Variants in SRGAP3 observed in about 807,000 individuals in gnomAD.
SRGAP3 encodes SLIT-ROBO Rho GTPase-activating protein 3.
Under a neutral mutation model 121.1 loss-of-function variants are expected in SRGAP3, and 39 were observed. The observed-to-expected ratio is 0.32, with a 90% CI of 0.25 to 0.42. The LOEUF (loss-of-function observed/expected upper bound fraction) is 0.42, where lower values mean the gene tolerates loss of function less well. Ranked by LOEUF, SRGAP3 falls within the 10% of genes least tolerant of loss-of-function variation. The pLI, the probability that SRGAP3 is intolerant of heterozygous loss-of-function variation, is 1.00. For synonymous variants in SRGAP3, 601 were observed against 570.0 expected (o/e 1.05, Z -0.77); for missense variants, 1,213 against 1,470.6 (o/e 0.82, Z 2.86).
At chr3:9,182,175 C>CAAAAAAAAAAAAAAAAAAAAAAAAAA (rs34305216) in intron 1 of SRGAP3, among the ~76,000 whole-genome samples, 3 of 37,280 alleles carry the variant, frequency 8.0e-5, no homozygotes, top group African/African-American at 1.4e-4. Context: ...GACTCTGTCT[C>CAAAAAAAAAAAAAAAAAAAAAAAAAA]AAAAAAAAAA....
Position 9,013,388 on chromosome 3 carries a change from A to T in SRGAP3, c.2067T>A (p.His689Gln), listed in dbSNP as rs774507828. 4 of 1,613,906 alleles carry T rather than the reference A, an allele frequency of 2.5e-6. No homozygotes were observed. The highest frequency in any genetic ancestry group is 3.4e-6 in the Non-Finnish European group (4 of 1,180,012). ...INEVIKTIII[H>Q]HEAIFPSPRE... ...GGGGGCTGGGGAAGATGGCTTCATG[A>T]TGGATGATGATGGTTTTGATGACTT... The change falls in exon 17 of 22, where the codon CAT becomes CAA. Residue 689 changes from histidine to glutamine, a missense_variant. Physicochemically the swap from His to Gln is conservative, Grantham distance 24. Around this residue, in one of 2 missense-constraint regions of SRGAP3, gnomAD observed 793 missense variants for 1,032.9 expected, o/e 0.77. Transcript: ENST00000383836.
intron 3 of SRGAP3, among the ~76,000 whole-genome samples, chr3:9,266,546 A>G (rs905434325): frequency 6.6e-6 from 1 of 152,156 alleles, no homozygotes; most frequent in African/African-American, 2.4e-5. Context: ...TATGTGAGGG[A>G]AGAAAAATAC....
intron 3 of SRGAP3, among the ~76,000 whole-genome samples, chr3:9,301,043 A>T (rs1449773178): frequency 1.3e-5 from 2 of 152,178 alleles, no homozygotes; most frequent in East Asian, 1.9e-4. Flanking sequence ...TATGGAAGTT[A>T]AAAAAGGGCT....
chr3:9,155,066 T>C (rs1950365190), intron 1 of SRGAP3, among the ~76,000 whole-genome samples: 1 of 152,150 alleles, frequency 6.6e-6, no homozygotes, highest in South Asian at 2.1e-4. Flanking sequence ...ATGAAGTTGA[T>C]CCTTTAGTAT....
intron 1 of SRGAP3, among the ~76,000 whole-genome samples, chr3:9,176,898 G>A (rs1951198904): frequency 6.6e-6 from 1 of 152,182 alleles, no homozygotes; most frequent in Non-Finnish European, 1.5e-5. Context: ...CATGAGATTT[G>A]GGCAGGGACA....
At chr3:9,058,710 C>A in intron 6 of SRGAP3, 3 of 448,144 alleles carry the variant, frequency 6.7e-6, no homozygotes, top group East Asian at 4.0e-5. Context: ...ATCTTTCTCT[C>A]TCTCTTTTTT....
chr3:9,043,396 C>T (rs1945111659), intron 10 of SRGAP3, among the ~76,000 whole-genome samples: 1 of 152,190 alleles, frequency 6.6e-6, no homozygotes, highest in Non-Finnish European at 1.5e-5. Context: ...TTACCTTTCT[C>T]GTGTACCACT....
chr3:9,172,290 A>T (rs1951012579), intron 1 of SRGAP3, among the ~76,000 whole-genome samples: 1 of 151,450 alleles, frequency 6.6e-6, no homozygotes, highest in African/African-American at 2.4e-5. Flanking sequence ...TTTTGTAGAG[A>T]CAGGGTCTTA....
At chr3:9,232,113 A>C (rs1953232577) in intron 1 of SRGAP3, among the ~76,000 whole-genome samples, 2 of 152,340 alleles carry the variant, frequency 1.3e-5, no homozygotes, top group East Asian at 3.9e-4. Flanking sequence ...ATTCGGTAAA[A>C]TATTACGTTT....
intron 1 of SRGAP3, among the ~76,000 whole-genome samples, chr3:9,189,455 A>G (rs367986118): frequency 6.6e-6 from 1 of 152,186 alleles, no homozygotes; most frequent in African/African-American, 2.4e-5. Context: ...GTATCTGTGG[A>G]GCCTGAAAAT....
chr3:9,171,561 G>C (rs1317433973), intron 1 of SRGAP3, among the ~76,000 whole-genome samples: 1 of 152,152 alleles, frequency 6.6e-6, no homozygotes. Flanking sequence ...GACTTGGAAG[G>C]ACATCCAAGA....
chr3:9,045,538 T>C (rs1438561460), intron 10 of SRGAP3, among the ~76,000 whole-genome samples: 2 of 151,700 alleles, frequency 1.3e-5, no homozygotes, highest in Non-Finnish European at 2.9e-5. Context: ...ATGATGATGA[T>C]TGATGATGAC....
chr3:9,009,962 C>A (rs1943279684), intron 18 of SRGAP3, among the ~76,000 whole-genome samples: 1 of 152,206 alleles, frequency 6.6e-6, no homozygotes, highest in South Asian at 2.1e-4. Context: ...AGCAGACCCT[C>A]AAAGGGGAAG....
intron 2 of SRGAP3, among the ~76,000 whole-genome samples, chr3:9,106,318 G>A (rs1269851128): frequency 2.6e-5 from 4 of 152,332 alleles, no homozygotes; most frequent in African/African-American, 9.6e-5. Flanking sequence ...GGAGAGAGAT[G>A]TTGGAAAGGC....
chr3:9,102,183 C>A (rs1948242703), intron 3 of SRGAP3, among the ~76,000 whole-genome samples: 1 of 152,184 alleles, frequency 6.6e-6, no homozygotes, highest in Non-Finnish European at 1.5e-5. Context: ...GGCAAGCTAC[C>A]ATTTAATAAG....
chr3:9,098,178 G>C (rs1948066588), intron 3 of SRGAP3, among the ~76,000 whole-genome samples: 1 of 152,156 alleles, frequency 6.6e-6, no homozygotes, highest in Admixed American at 6.5e-5. Context: ...ATCTGAATGA[G>C]TTACCGCTTC....
chr3:9,192,427 G>A (rs1251936031), intron 1 of SRGAP3: 1 of 152,140 alleles, frequency 6.6e-6, no homozygotes, highest in Admixed American at 6.5e-5. Flanking sequence ...CAGTCACGTG[G>A]GTGACTCATA....
chr3:9,010,172 G>A (rs892065973), intron 18 of SRGAP3, 136 bp downstream of exon 18: 39 of 1,058,702 alleles, frequency 3.7e-5, no homozygotes, highest in Non-Finnish European at 4.9e-5. Flanking sequence ...CGGGGTCTTC[G>A]TCTATTCTGA....
chr3:9,301,335 G>A (rs1955050230), intron 3 of SRGAP3, among the ~76,000 whole-genome samples: 2 of 152,224 alleles, frequency 1.3e-5, no homozygotes, highest in African/African-American at 4.8e-5. Flanking sequence ...GCACATGCCT[G>A]AGATGCAGGT....
Sources: allele counts gnomAD v4.1 joint callset (sites outside exome capture counted in the v4.1 genomes callset), GRCh38; gene constraint gnomAD v4.1.1; regional missense constraint gnomAD v4.1.1; transcripts MANE v1.5; gene names NCBI Gene and HGNC (gene_info 2026-07-23, HGNC 2026-07-21).